SLC30A6: variants seen among roughly 807,000 people sequenced by gnomAD.
SLC30A6 encodes zinc transporter 6.
A neutral mutation model predicts 63.0 loss-of-function variants in SLC30A6; 55 were observed. That is an observed-to-expected ratio of 0.87 (90% CI 0.70 to 1.09). The LOEUF (loss-of-function observed/expected upper bound fraction) is 1.09, where lower values mean the gene tolerates loss of function less well. SLC30A6 is among the 50% of genes least tolerant of loss of function. SLC30A6 has a pLI of 0.00. For synonymous variants in SLC30A6, 224 were observed against 186.1 expected (o/e 1.20, Z -1.66); for missense variants, 587 against 549.2 (o/e 1.07, Z -0.69).
rs1171781032 is a variant in SLC30A6, at chr2:32,223,118, C to T, written c.*2405C>T. ...ATGTTACAGGGGACATTGGGCCAGG[C>T]ATTATTATATAGAGAAGTCTTATTT... On this transcript the variant is annotated 3_prime_UTR_variant, in exon 14 of 14. Transcript: ENST00000282587. The T allele has an allele frequency of 6.6e-6, 1 of 152,174 alleles. No homozygotes were observed. Among genetic ancestry groups the T allele is most frequent in the Non-Finnish European group, 1.5e-5 (1 of 68,044 alleles). 9.4% of individuals were successfully genotyped at this position (152,174 alleles called of 1,614,324 possible).
chr2:32,209,939 T>TA (rs1201165254), intron 13 of SLC30A6, among the ~76,000 whole-genome samples: 2 of 152,232 alleles, frequency 1.3e-5, no homozygotes, highest in African/African-American at 4.8e-5. Context: ...TAAAAAAAAT[T>TA]AAAAGTGCAA....
intron 4 of SLC30A6, chr2:32,177,448 G>T (rs1293964917): frequency 4.4e-6 from 1 of 229,422 alleles, no homozygotes. Context: ...GTACCACCAG[G>T]CACGGCTAAT....
intron 13 of SLC30A6, among the ~76,000 whole-genome samples, chr2:32,216,921 C>G (rs1558430702): frequency 6.6e-6 from 1 of 151,912 alleles, no homozygotes; most frequent in Non-Finnish European, 1.5e-5. Flanking sequence ...CGAAGTCTAG[C>G]TCTGTCACCC....
chr2:32,195,832 G>A (rs998807480), intron 8 of SLC30A6, among the ~76,000 whole-genome samples: 3 of 152,070 alleles, frequency 2.0e-5, no homozygotes, highest in African/African-American at 4.8e-5. Flanking sequence ...GTGAGCCACT[G>A]CTCCCAGCCT....
intron 10 of SLC30A6, among the ~76,000 whole-genome samples, chr2:32,199,219 A>G (rs212756): frequency 0.57 from 86,906 of 152,036 alleles, 25,076 homozygotes; most frequent in African/African-American, 0.62. Context: ...TGGGTAAACA[A>G]TGCATTTTGT....
chr2:32,217,944 T>C (rs1309775268), intron 13 of SLC30A6, among the ~76,000 whole-genome samples: 2 of 151,928 alleles, frequency 1.3e-5, no homozygotes, highest in African/African-American at 4.8e-5. Flanking sequence ...CAATCAATTC[T>C]CCCACCTCAG....
At position 32,192,938 on chromosome 2, in the gene SLC30A6, A is replaced by G. The variant is rs1459537533; in HGVS notation, c.386A>G (p.Gln129Arg). 14 of 1,521,430 alleles carry G rather than the reference A, an allele frequency of 9.2e-6. No individual in the cohort carries two copies. The highest frequency in any genetic ancestry group is 1.2e-5 in the Non-Finnish European group (13 of 1,121,678). The allele number at this position is 1,521,430 out of a possible 1,614,324, so 94.2% of individuals were successfully genotyped here. Residue 129 changes from glutamine (Q) to arginine (R), a missense_variant, in exon 7 of 14, where the codon CAG becomes CGG. Physicochemically the swap from Gln to Arg is conservative, Grantham distance 43. Transcript: ENST00000282587. ...LKESAERFLE[Q>R]PEIHTGRLLV... Reference sequence around the variant, plus strand: ...TATAGTGCAGAACGCTTTTTGGAACAGCCCGAGATACACACGTGAGATTTT... The same window carrying G: ...TATAGTGCAGAACGCTTTTTGGAACGGCCCGAGATACACACGTGAGATTTT...
rs1686104143 is a variant in SLC30A6 at position 32,220,870 on chromosome 2, A to T, written c.*157A>T. 1 of 701,960 alleles carries T rather than the reference A, an allele frequency of 1.4e-6. No homozygotes were observed. Among genetic ancestry groups the T allele is most frequent in the African/African-American group, 1.8e-5 (1 of 55,938 alleles). The allele number at this position is 701,960 out of a possible 1,614,324, so 43.5% of individuals were successfully genotyped here. A position where few individuals can be genotyped will look rare whatever the true frequency, so the allele number is the denominator to read the frequency against. ...GAAACCTATGAAACTATATTTTTGT[A>T]AAATGTATTTGTGACAGTGAAATCC... On this transcript the variant is annotated 3_prime_UTR_variant, in exon 14 of 14. Transcript: ENST00000282587.
rs1010553278 is a variant in SLC30A6 at position 32,221,072 on chromosome 2, C to T, written c.*359C>T. 3.6e-4 allele frequency: 73 copies of T among 204,406 alleles called. No individual in the cohort carries two copies. The highest frequency in any genetic ancestry group is 1.1e-3 in the Admixed American group (21 of 18,908). The allele number at this position is 204,406 out of a possible 1,614,324, so 12.7% of individuals were successfully genotyped here. A position where few individuals can be genotyped will look rare whatever the true frequency, so the allele number is the denominator to read the frequency against. ...TAAGATACGATATTTCTTTTTTTTTCCGAGACGGAGTCTTGCTCTGCCACT... is the reference window on the plus strand; with the variant it reads ...TAAGATACGATATTTCTTTTTTTTTTCGAGACGGAGTCTTGCTCTGCCACT... On this transcript the variant is annotated 3_prime_UTR_variant, in exon 14 of 14. Coordinates refer to ENST00000282587, the MANE Select transcript of SLC30A6 (RefSeq NM_017964.5).
At chr2:32,195,815 G>A (rs1249177628) in intron 8 of SLC30A6, among the ~76,000 whole-genome samples, 3 of 151,872 alleles carry the variant, frequency 2.0e-5, no homozygotes, top group East Asian at 1.9e-4. Flanking sequence ...GTGCTGGGAC[G>A]ACAGGCGTGA....
chr2:32,217,508 C>T (rs1685810789), intron 13 of SLC30A6, among the ~76,000 whole-genome samples: 1 of 152,132 alleles, frequency 6.6e-6, no homozygotes, highest in Non-Finnish European at 1.5e-5. Context: ...ATGCTTCCAG[C>T]TTTGTTCTTT....
At position 32,224,135 on chromosome 2, in the gene SLC30A6, G is replaced by T; in HGVS notation, c.*3422G>T. The T allele has an allele frequency of 5.5e-6, 1 of 181,116 alleles. No homozygotes were observed. Among genetic ancestry groups the T allele is most frequent in the Non-Finnish European group, 1.1e-5 (1 of 87,170 alleles). 11.2% of individuals were successfully genotyped at this position (181,116 alleles called of 1,614,324 possible). ...TTAAATAATCTTTCTTTATTCAGTA[G>T]CTATTAATAATTTATCTCATATTCA... On this transcript the variant is annotated 3_prime_UTR_variant, in exon 14 of 14. Coordinates refer to ENST00000282587, the MANE Select transcript of SLC30A6 (RefSeq NM_017964.5).
In SLC30A6 at chr2:32,192,397, C is replaced by A; in HGVS notation, c.346C>A (p.Leu116Ile). The A allele has an allele frequency of 2.5e-6, 4 of 1,613,882 alleles. No homozygotes were observed. Among genetic ancestry groups the A allele is most frequent in the Non-Finnish European group, 3.4e-6 (4 of 1,179,820 alleles). ...CACAGTCTTGGCACAGTTGGGAGCT[C>A]TCTTTATATTAAAAGAAAGGTACAT... ...ASTVLAQLGA[L>I]FILKESAERF... The change falls in exon 6 of 14, where the codon CTC (leucine) becomes ATC (isoleucine). Residue 116 changes from leucine to isoleucine, a missense_variant. Physicochemically the swap from Leu to Ile is conservative, Grantham distance 5. Coordinates refer to ENST00000282587, the MANE Select transcript of SLC30A6 (RefSeq NM_017964.5).
chr2:32,185,567 C>T (rs1682726987), intron 5 of SLC30A6, among the ~76,000 whole-genome samples: 1 of 151,896 alleles, frequency 6.6e-6, no homozygotes, highest in Non-Finnish European at 1.5e-5. Context: ...TCTTCTTTTC[C>T]ACCATACCAT....
intron 10 of SLC30A6, among the ~76,000 whole-genome samples, chr2:32,198,755 T>C (rs1684015888): frequency 6.6e-6 from 1 of 152,176 alleles, no homozygotes; most frequent in African/African-American, 2.4e-5. Context: ...GGCTAATTTT[T>C]GTATTTTTAA....
At chr2:32,218,099 GATC>G (rs1685861468) in intron 13 of SLC30A6, among the ~76,000 whole-genome samples, 1 of 151,896 alleles carries the variant, frequency 6.6e-6, no homozygotes, top group African/African-American at 2.4e-5. Context: ...ACCAAAATAG[GATC>G]ATTTGCTGAT....
intron 4 of SLC30A6, among the ~76,000 whole-genome samples, chr2:32,178,911 G>A (rs1682037042): frequency 6.6e-6 from 1 of 152,192 alleles, no homozygotes; most frequent in African/African-American, 2.4e-5. Flanking sequence ...AGGCTGGAGT[G>A]CAGTGGGTTG....
chr2:32,224,292 A>G lies in SLC30A6; in HGVS notation c.*3579A>G. ...CACAAAGATGAATGAGAATTCCTTC[A>G]AGGCGCCGATAATCCTAGTAGGAGA... On this transcript the variant is annotated 3_prime_UTR_variant, in exon 14 of 14. Coordinates refer to ENST00000282587, the MANE Select transcript of SLC30A6 (RefSeq NM_017964.5). The G allele has an allele frequency of 1.9e-6, 1 of 529,584 alleles. No individual in the cohort carries two copies. Among genetic ancestry groups the G allele is most frequent in the East Asian group, 3.0e-5 (1 of 33,088 alleles). The allele number at this position is 529,584 out of a possible 1,614,324, so 32.8% of individuals were successfully genotyped here. A position where few individuals can be genotyped will look rare whatever the true frequency, so the allele number is the denominator to read the frequency against.
intron 10 of SLC30A6, chr2:32,203,691 T>G: frequency 6.5e-7 from 1 of 1,542,468 alleles, no homozygotes; most frequent in Non-Finnish European, 9.0e-7. Flanking sequence ...GAAATGTGCG[T>G]GTTTGCTTTG....
Sources: gnomAD v4.1 joint callset for allele counts (sites outside exome capture counted in the v4.1 genomes callset) on GRCh38, gnomAD v4.1.1 for gene constraint, MANE v1.5 for transcripts, NCBI Gene and HGNC (gene_info 2026-07-23, HGNC 2026-07-21) for gene names.